Variants in CHCHD6 observed in about 807,000 individuals in gnomAD.
CHCHD6 encodes MICOS complex subunit MIC25.
In CHCHD6, 28 loss-of-function variants were observed where a neutral mutation model predicts 32.3. That is an observed-to-expected ratio of 0.87 (90% CI 0.64 to 1.19). The LOEUF (loss-of-function observed/expected upper bound fraction) is 1.19, where lower values mean the gene tolerates loss of function less well. Ranked by LOEUF, CHCHD6 falls within the 50% of genes most tolerant of loss-of-function variation. The pLI, the probability that CHCHD6 is intolerant of heterozygous loss-of-function variation, is 0.00. For synonymous variants in CHCHD6, 122 were observed against 117.5 expected (o/e 1.04, Z -0.25); for missense variants, 333 against 307.0 (o/e 1.08, Z -0.63).
intron 5 of CHCHD6, among the ~76,000 whole-genome samples, chr3:126,887,704 C>T (rs955371625): frequency 5.3e-5 from 8 of 152,158 alleles, no homozygotes; most frequent in Non-Finnish European, 1.0e-4. Flanking sequence ...GTGATGTCCC[C>T]GCTTCCCGGT....
intron 4 of CHCHD6, among the ~76,000 whole-genome samples, chr3:126,797,318 G>T (rs755873430): frequency 6.6e-6 from 1 of 152,168 alleles, no homozygotes; most frequent in African/African-American, 2.4e-5. Context: ...CACATAAATA[G>T]ACCTGCCTAA....
intron 4 of CHCHD6, among the ~76,000 whole-genome samples, chr3:126,781,290 C>A (rs1228741692): frequency 6.6e-6 from 1 of 152,190 alleles, no homozygotes; most frequent in Non-Finnish European, 1.5e-5. Flanking sequence ...GACAGACATA[C>A]ACGCACAGAG....
At chr3:126,883,222 T>G (rs1339823607) in intron 5 of CHCHD6, among the ~76,000 whole-genome samples, 1 of 152,158 alleles carries the variant, frequency 6.6e-6, no homozygotes, top group African/African-American at 2.4e-5. Context: ...CTGGTACACC[T>G]CTGTGTTTCC....
At chr3:126,752,446 G>A (rs922712847) in intron 4 of CHCHD6, among the ~76,000 whole-genome samples, 6 of 152,180 alleles carry the variant, frequency 3.9e-5, no homozygotes, top group Admixed American at 2.0e-4. Flanking sequence ...AAGAACAGGC[G>A]TGCTGGGAGA....
At chr3:126,846,826 G>A (rs541658471) in intron 4 of CHCHD6, among the ~76,000 whole-genome samples, 4 of 152,232 alleles carry the variant, frequency 2.6e-5, no homozygotes, top group African/African-American at 7.2e-5. Flanking sequence ...GCACGTACAC[G>A]TGTTTGTGTG....
chr3:126,870,247 A>G (rs928668095), intron 5 of CHCHD6, among the ~76,000 whole-genome samples: 4 of 152,204 alleles, frequency 2.6e-5, no homozygotes, highest in African/African-American at 9.7e-5. Flanking sequence ...TCCTCTCATT[A>G]GTGGTCACTC....
chr3:126,781,303 C>A lies in CHCHD6; in HGVS notation c.411+48081C>A, dbSNP rs1024571501. On this transcript the variant is annotated intron_variant, in intron 4 of 7. Transcript: ENST00000290913. ...AAGACAGACATACACGCACAGAGGT[C>A]TCAGACCAGCAGGGCCATTTCTAGC... Among the ~76,000 whole-genome samples, 4 of 152,332 alleles carry A rather than the reference C, an allele frequency of 2.6e-5. No individual in the cohort carries two copies. The South Asian group carries it at 8.3e-4, about 32-fold the overall frequency.
intron 5 of CHCHD6, among the ~76,000 whole-genome samples, chr3:126,867,287 CTT>C: frequency 6.6e-6 from 1 of 152,314 alleles, no homozygotes; most frequent in Admixed American, 6.5e-5. Flanking sequence ...TGCTAGGGTC[CTT>C]TTAAGCACAA....
At chr3:126,750,862 C>T (rs1428980809) in intron 4 of CHCHD6, among the ~76,000 whole-genome samples, 2 of 152,172 alleles carry the variant, frequency 1.3e-5, no homozygotes, top group Non-Finnish European at 2.9e-5. Flanking sequence ...AATGAGGAAT[C>T]GATGAAATTC....
At chr3:126,743,400 C>T (rs919402413) in intron 4 of CHCHD6, among the ~76,000 whole-genome samples, 2 of 152,200 alleles carry the variant, frequency 1.3e-5, no homozygotes, top group African/African-American at 4.8e-5. Flanking sequence ...GTGCCTGGCT[C>T]AGGCGACCTC....
chr3:126,801,884 G>T (rs1939094728), intron 4 of CHCHD6, among the ~76,000 whole-genome samples: 1 of 152,210 alleles, frequency 6.6e-6, no homozygotes, highest in African/African-American at 2.4e-5. Context: ...GGAACGATCA[G>T]ACAGCAGCAT....
At chr3:126,940,647 A>G (rs2078546801) in intron 6 of CHCHD6, among the ~76,000 whole-genome samples, 1 of 152,242 alleles carries the variant, frequency 6.6e-6, no homozygotes, top group Admixed American at 6.5e-5. Context: ...CTTCAAAAGA[A>G]AAATGTACCA....
chr3:126,841,429 C>G (rs1941076099), intron 4 of CHCHD6, among the ~76,000 whole-genome samples: 1 of 152,150 alleles, frequency 6.6e-6, no homozygotes, highest in East Asian at 1.9e-4. Context: ...AGTCTAAAGC[C>G]TGTTCCCTGA....
intron 5 of CHCHD6, among the ~76,000 whole-genome samples, chr3:126,865,305 C>A (rs1372040053): frequency 6.6e-6 from 1 of 151,780 alleles, no homozygotes; most frequent in South Asian, 2.1e-4. Flanking sequence ...CCATTACCAA[C>A]TACACCTCTA....
chr3:126,917,954 G>T lies in CHCHD6; in HGVS notation c.566+3204G>T, dbSNP rs145282894. Among the ~76,000 whole-genome samples, 930 of 152,288 alleles carry T rather than the reference G, an allele frequency of 6.1e-3. 9 individuals carry two copies. Among genetic ancestry groups the T allele is most frequent in the African/African-American group, 0.021 (889 of 41,556 alleles). Reference sequence around the variant, plus strand: ...AATAAACGTCTATTGTTTATAAGCTGCCCAGTCTCTATAGTACTCTATTAT... The same window carrying T: ...AATAAACGTCTATTGTTTATAAGCTTCCCAGTCTCTATAGTACTCTATTAT... On this transcript the variant is annotated intron_variant, in intron 6 of 7. Coordinates refer to ENST00000290913, the MANE Select transcript of CHCHD6 (RefSeq NM_032343.3).
intron 6 of CHCHD6, among the ~76,000 whole-genome samples, chr3:126,940,900 A>G (rs1216886222): frequency 1.3e-5 from 2 of 151,488 alleles, no homozygotes; most frequent in African/African-American, 2.4e-5. Flanking sequence ...TTTTCTCCTT[A>G]TTATTCATTT....
intron 4 of CHCHD6, among the ~76,000 whole-genome samples, chr3:126,806,888 G>T (rs552281694): frequency 1.1e-4 from 16 of 152,104 alleles, no homozygotes; most frequent in South Asian, 8.3e-4. Context: ...ATGAGTTCAT[G>T]TCCTTTGTAG....
intron 5 of CHCHD6, among the ~76,000 whole-genome samples, chr3:126,895,412 A>G (rs1021623736): frequency 2.0e-5 from 3 of 152,204 alleles, no homozygotes; most frequent in Non-Finnish European, 4.4e-5. Flanking sequence ...GTCTGTGTCC[A>G]TCATTCTGGG....
intron 6 of CHCHD6, among the ~76,000 whole-genome samples, chr3:126,922,622 C>T (rs943672512): frequency 3.4e-5 from 5 of 147,742 alleles, no homozygotes; most frequent in African/African-American, 7.4e-5. Flanking sequence ...CAGCCCACCA[C>T]GTGTGTGTGT....
Sources: gnomAD v4.1 joint callset for allele counts (sites outside exome capture counted in the v4.1 genomes callset) on GRCh38, gnomAD v4.1.1 for gene constraint, MANE v1.5 for transcripts, NCBI Gene and HGNC (gene_info 2026-07-23, HGNC 2026-07-21) for gene names.